NR1H3: variants seen among roughly 807,000 people sequenced by gnomAD.
NR1H3 encodes nuclear receptor subfamily 1 group H member 3, also known as oxysterols receptor LXR-alpha.
Under a neutral mutation model 48.1 loss-of-function variants are expected in NR1H3, and 19 were observed. That is an observed-to-expected ratio of 0.40 (90% CI 0.28 to 0.58). The LOEUF is 0.58. Among genes scored for constraint, NR1H3 ranks in the 20% least tolerant of loss-of-function variants. The probability of loss-of-function intolerance (pLI) is 0.50; values close to 1 mark genes in which losing one functional copy is unlikely to be tolerated. For missense variants in NR1H3, 486 were observed against 595.9 expected, an observed-to-expected ratio of 0.82 and a Z score of 1.92; for synonymous variants, 232 against 227.3, an observed-to-expected ratio of 1.02 and a Z score of -0.19.
chr11:47,259,652 T>G (rs1591109312), intron 2 of NR1H3, 139 bp from the exon 3 acceptor site: 2 of 1,504,314 alleles, frequency 1.3e-6, no homozygotes, highest in Non-Finnish European at 8.8e-7. Flanking sequence ...CCACACAGAC[T>G]CTAGGGTCCC....
intron 7 of NR1H3, among the ~76,000 whole-genome samples, chr11:47,265,669 C>T (rs1018197355): frequency 6.6e-6 from 1 of 152,080 alleles, no homozygotes; most frequent in Admixed American, 6.6e-5. Flanking sequence ...GTCAAGAGAT[C>T]GAGACCATCC....
At chr11:47,248,317 G>T, upstream of NR1H3, 1 of 1,051,654 alleles carries the variant, frequency 9.5e-7, no homozygotes, top group Non-Finnish European at 1.4e-6. Flanking sequence ...ACTTAGCTAA[G>T]CAATGCTACT....
At chr11:47,263,078 T>C (rs1013485437) in intron 7 of NR1H3, among the ~76,000 whole-genome samples, 63 of 152,174 alleles carry the variant, frequency 4.1e-4, no homozygotes, top group African/African-American at 1.2e-3. Context: ...TCATCTTTAC[T>C]TTAGCCAAAC....
At chr11:47,266,417 A>G (rs935541653) in intron 7 of NR1H3, among the ~76,000 whole-genome samples, 5 of 151,174 alleles carry the variant, frequency 3.3e-5, no homozygotes, top group African/African-American at 1.2e-4. Context: ...GCTCACTGCA[A>G]CCTCCACCTC....
upstream of NR1H3, among the ~76,000 whole-genome samples, chr11:47,257,038 A>T (rs976612484): frequency 1.3e-5 from 2 of 152,088 alleles, no homozygotes; most frequent in African/African-American, 4.8e-5. Context: ...CCGAGAATAT[A>T]TTATATTTTT....
chr11:47,248,753 G>A, upstream of NR1H3: 1 of 1,605,650 alleles, frequency 6.2e-7, no homozygotes, highest in Non-Finnish European at 8.5e-7. Context: ...AGCTGGAGGA[G>A]AGCCGCCCGG....
chr11:47,248,646 G>A (rs1954332840), upstream of NR1H3: 5 of 1,593,204 alleles, frequency 3.1e-6, no homozygotes, highest in East Asian at 2.3e-5. Context: ...TAGCTTCAGG[G>A]AAGTCTTTGG....
chr11:47,252,244 GTTTTGTTGT>G (rs1954723865), intron 1 of NR1H3, among the ~76,000 whole-genome samples: 1 of 150,602 alleles, frequency 6.6e-6, no homozygotes, highest in South Asian at 2.1e-4. Flanking sequence ...TTTTTGTTTT[GTTTTGTTGT>G]TGTTGTTGTT....
intron 1 of NR1H3, among the ~76,000 whole-genome samples, chr11:47,252,927 G>T (rs1385527238): frequency 6.7e-6 from 1 of 148,552 alleles, no homozygotes; most frequent in Non-Finnish European, 1.5e-5. Context: ...TTGAGCTTGA[G>T]CTCAAACTTT....
Position 47,268,369 on chromosome 11 carries a change from T to C in NR1H3, c.1197+14T>C. The C allele has an allele frequency of 6.2e-7, 1 of 1,612,924 alleles. No individual in the cohort carries two copies. Among genetic ancestry groups the C allele is most frequent in the South Asian group, 1.1e-5 (1 of 91,042 alleles). The stretch of plus-strand genomic sequence containing the variant: ...CACCATCCCCATGTGAGTCTCCCCA[T>C]GGTGTTCCTTTTCCTCCTTCCCACA... On this transcript the variant is annotated intron_variant, in intron 9 of 9. Transcript: ENST00000441012.
Position 47,259,237 on chromosome 11 carries a change from C to G in NR1H3, c.21C>G (p.Ala7=), listed in dbSNP as rs781141041. Residue 7 remains alanine (A), a synonymous_variant, in exon 2 of 10, where the codon GCC becomes GCG. Transcript: ENST00000441012. MSLWLG[A]PVPDIPPDSA... ...AAGAGATGTCCTTGTGGCTGGGGGCCCCTGTGCCTGACATTCCTCCTGGTA... is the reference window on the plus strand; with the variant it reads ...AAGAGATGTCCTTGTGGCTGGGGGCGCCTGTGCCTGACATTCCTCCTGGTA... 1 of 1,614,158 alleles carries G rather than the reference C, an allele frequency of 6.2e-7. No individual in the cohort carries two copies. The highest frequency in any genetic ancestry group is 8.5e-7 in the Non-Finnish European group (1 of 1,180,024).
chr11:47,268,205 G>A, intron 8 of NR1H3, 56 bp from the exon 9 acceptor site: 1 of 1,519,454 alleles, frequency 6.6e-7, no homozygotes, highest in Admixed American at 1.7e-5. Flanking sequence ...TGCAATTTGG[G>A]GTATGGAACT....
chr11:47,259,140 G>T, intron 1 of NR1H3, 40 bp from the exon 2 acceptor site: 1 of 1,608,470 alleles, frequency 6.2e-7, no homozygotes, highest in South Asian at 1.1e-5. Context: ...CCAGAAAGGA[G>T]CCCAGTTCTA....
At chr11:47,261,474 C>CG (rs749113510) in intron 5 of NR1H3, 25 bp downstream of exon 5, 7 of 1,610,836 alleles carry the variant, frequency 4.3e-6, no homozygotes, top group Non-Finnish European at 5.9e-6. Context: ...TGGGGAGAGG[C>CG]GGCTGCGCCC....
Position 47,268,599 on chromosome 11 carries a change from C to G in NR1H3, c.1247C>G (p.Thr416Ser). ...CTAATGAAACTGGTGAGCCTCCGGA[C>G]CCTGAGCAGCGTCCACTCAGAGCAA... ...RMLMKLVSLR[T>S]LSSVHSEQVF... Residue 416 changes from threonine (T) to serine (S), a missense_variant, in exon 10 of 10, where the codon ACC becomes AGC. Thr to Ser is a moderately conservative substitution (Grantham distance 58). Coordinates refer to ENST00000441012, the MANE Select transcript of NR1H3 (RefSeq NM_005693.4). 6.2e-7 allele frequency: 1 copy of G among 1,614,222 alleles called. No homozygotes were observed. Among genetic ancestry groups the G allele is most frequent in the East Asian group, 2.2e-5 (1 of 44,892 alleles).
intron 7 of NR1H3, among the ~76,000 whole-genome samples, chr11:47,267,589 A>G (rs1027915549): frequency 7.9e-5 from 12 of 151,652 alleles, no homozygotes; most frequent in Non-Finnish European, 5.9e-5. Context: ...GGTCACTGCA[A>G]CCTCTGCCTC....
At chr11:47,256,548 G>T (rs1955191963), upstream of NR1H3, among the ~76,000 whole-genome samples, 1 of 151,440 alleles carries the variant, frequency 6.6e-6, no homozygotes, top group African/African-American at 2.4e-5. Flanking sequence ...GTGATGGCGT[G>T]TGCCTGTAAT....
At position 47,248,931 on chromosome 11, in the gene NR1H3, A is replaced by G. The variant is rs1591034903; in HGVS notation, c.-161A>G. ...TAGGGACCTGCTGGGGTGCGGGGAA[A>G]AGGCGCAGTCTCGGTGGGATTGCGT... is the stretch of plus-strand genomic sequence containing the variant. On this transcript the variant is annotated 5_prime_UTR_variant, in exon 1 of 9. Transcript: ENST00000395397. 19 of 1,535,458 alleles carry G rather than the reference A, an allele frequency of 1.2e-5. 1 individual carries two copies. The South Asian group carries it at 1.9e-4, about 15-fold the overall frequency.
chr11:47,256,853 C>A (rs1336814794), upstream of NR1H3, among the ~76,000 whole-genome samples: 1 of 151,150 alleles, frequency 6.6e-6, no homozygotes, highest in Non-Finnish European at 1.5e-5. Flanking sequence ...GTCTCAGCCT[C>A]CCGAGTAGCT....
Sources: gnomAD v4.1 joint callset for allele counts (sites outside exome capture counted in the v4.1 genomes callset) on GRCh38, gnomAD v4.1.1 for gene constraint, MANE v1.5 for transcripts, NCBI Gene and HGNC (gene_info 2026-07-23, HGNC 2026-07-21) for gene names.